Variants in PHLDB2 observed in about 807,000 individuals in gnomAD.
PHLDB2 encodes the protein pleckstrin homology-like domain family B member 2.
PHLDB2 carries 71 observed loss-of-function variants against 123.6 expected under a neutral mutation model. The observed-to-expected ratio is 0.57, with a 90% confidence interval of 0.47 to 0.70. The LOEUF is 0.70. PHLDB2 is among the 30% of genes least tolerant of loss of function. PHLDB2 has a pLI of 0.00. For missense variants in PHLDB2, 1,446 were observed against 1,519.5 expected, an observed-to-expected ratio of 0.95 and a Z score of 0.80; for synonymous variants, 547 against 541.6, an observed-to-expected ratio of 1.01 and a Z score of -0.14.
chr3:111,754,043 G>A (rs536802353), intron 1 of PHLDB2, among the ~76,000 whole-genome samples: 1 of 152,160 alleles, frequency 6.6e-6, no homozygotes, highest in East Asian at 1.9e-4. Flanking sequence ...TGCTGTTTTG[G>A]TTACTGTAGC....
chr3:111,865,563 G>A (rs1013792307), intron 1 of PHLDB2, among the ~76,000 whole-genome samples: 4 of 152,120 alleles, frequency 2.6e-5, no homozygotes, highest in African/African-American at 9.7e-5. Context: ...ACCATGTTGA[G>A]TATGGAGAAA....
At chr3:111,926,914 CTG>C (rs2068844161) in intron 5 of PHLDB2, among the ~76,000 whole-genome samples, 2 of 152,222 alleles carry the variant, frequency 1.3e-5, no homozygotes, top group Admixed American at 6.5e-5. Flanking sequence ...GCTATATAAT[CTG>C]TGTTACCTCT....
intron 1 of PHLDB2, among the ~76,000 whole-genome samples, chr3:111,811,024 G>C (rs1559843806): frequency 6.6e-6 from 1 of 152,104 alleles, no homozygotes; most frequent in Admixed American, 6.6e-5. Context: ...AACCCCCTCA[G>C]GGAAACATCT....
chr3:111,823,526 C>T (rs1387108608), intron 1 of PHLDB2, among the ~76,000 whole-genome samples: 2 of 152,142 alleles, frequency 1.3e-5, no homozygotes, highest in African/African-American at 2.4e-5. Context: ...GTCAGTGGGT[C>T]AACGGAGTGG....
chr3:111,966,524 T>TGGG (rs766446456), intron 13 of PHLDB2, 89 bp from the exon 14 acceptor site: 1 of 501,554 alleles, frequency 2.0e-6, no homozygotes, highest in Non-Finnish European at 3.3e-6. Context: ...TGTGTGTGTC[T>TGGG]GGGGTGTGTG....
chr3:111,924,408 C>T (rs887734575), intron 5 of PHLDB2, among the ~76,000 whole-genome samples: 6 of 152,240 alleles, frequency 3.9e-5, no homozygotes, highest in South Asian at 4.1e-4. Flanking sequence ...AGTGTGCTTA[C>T]GAATATTGTT....
intron 4 of PHLDB2, 75 bp from the exon 5 acceptor site, chr3:111,920,207 A>G (rs2068420648): frequency 2.7e-6 from 4 of 1,498,408 alleles, no homozygotes; most frequent in Admixed American, 2.2e-5. Context: ...AGCTGTTGCA[A>G]ATGTATCTCT....
Position 111,940,562 on chromosome 3 carries a change from G to A in PHLDB2, c.2314G>A (p.Ala772Thr). 6.2e-7 allele frequency: 1 copy of A among 1,600,302 alleles called. No homozygotes were observed. The highest frequency in any genetic ancestry group is 1.1e-5 in the South Asian group (1 of 87,628). The change falls in exon 8 of 18, where the codon GCC (alanine) becomes ACC (threonine). Residue 772 changes from alanine (A) to threonine (T), a missense_variant. Transcript: ENST00000431670. ...KEKISALKKQ[A>T]NHIVQQAQRE... ...AAAAATTTCTGCATTGAAAAAGCAA[G>A]CCAATCACATTGTTCAGCAGGCTCA...
chr3:111,891,746 T>A (rs2066512426), intron 2 of PHLDB2, among the ~76,000 whole-genome samples: 1 of 152,160 alleles, frequency 6.6e-6, no homozygotes, highest in Non-Finnish European at 1.5e-5. Context: ...CATTATAAAG[T>A]AGGGTATTCT....
chr3:111,784,147 T>G (rs2060591303), intron 1 of PHLDB2, among the ~76,000 whole-genome samples: 1 of 152,136 alleles, frequency 6.6e-6, no homozygotes, highest in Non-Finnish European at 1.5e-5. Flanking sequence ...AGAAATATTC[T>G]AACAGGCAAT....
intron 2 of PHLDB2, among the ~76,000 whole-genome samples, chr3:111,888,859 T>C: frequency 1.3e-5 from 2 of 152,356 alleles, no homozygotes; most frequent in South Asian, 4.1e-4. Flanking sequence ...GCAAGCATTA[T>C]AAACCAAGTT....
chr3:111,769,214 G>C (rs1279335153), intron 1 of PHLDB2, among the ~76,000 whole-genome samples: 2 of 152,134 alleles, frequency 1.3e-5, no homozygotes, highest in African/African-American at 4.8e-5. Context: ...GTTTGGATGA[G>C]GATTGGCCTA....
At chr3:111,955,673 G>A (rs939692614) in intron 12 of PHLDB2, among the ~76,000 whole-genome samples, 1 of 151,888 alleles carries the variant, frequency 6.6e-6, no homozygotes, top group Non-Finnish European at 1.5e-5. Context: ...GGATGGTCTC[G>A]ACCTCCTGGG....
chr3:111,822,887 G>A (rs1319922789), intron 1 of PHLDB2, among the ~76,000 whole-genome samples: 3 of 139,566 alleles, frequency 2.1e-5, no homozygotes, highest in Non-Finnish European at 4.5e-5. Flanking sequence ...TTTAGCCCTC[G>A]GAAAAAAAAA....
intron 2 of PHLDB2, among the ~76,000 whole-genome samples, chr3:111,894,813 T>C (rs1043065635): frequency 1.1e-3 from 166 of 152,302 alleles, no homozygotes; most frequent in African/African-American, 3.9e-3. Context: ...TATTAGCCCT[T>C]AAAGTAAGTA....
intron 2 of PHLDB2, among the ~76,000 whole-genome samples, chr3:111,889,922 CA>C (rs925742481): frequency 6.8e-4 from 103 of 152,198 alleles, no homozygotes; most frequent in African/African-American, 2.4e-3. Context: ...GGTAGAAAGA[CA>C]GATGAAAGGT....
intron 2 of PHLDB2, among the ~76,000 whole-genome samples, chr3:111,853,873 C>CA (rs35423122): frequency 1.3e-3 from 194 of 148,128 alleles, no homozygotes; most frequent in African/African-American, 2.4e-3. Context: ...ACTCCATCTC[C>CA]AAAAAAAAAA....
chr3:111,820,724 C>T (rs915410202), intron 1 of PHLDB2, among the ~76,000 whole-genome samples: 63 of 152,068 alleles, frequency 4.1e-4, no homozygotes, highest in African/African-American at 1.5e-3. Flanking sequence ...AGTTTGTGGT[C>T]AAGAAGGAGG....
intron 1 of PHLDB2, among the ~76,000 whole-genome samples, chr3:111,802,822 T>A (rs1373676057): frequency 6.6e-6 from 1 of 152,188 alleles, no homozygotes; most frequent in African/African-American, 2.4e-5. Context: ...ACCATGAGAA[T>A]CAATAAGGGT....
Sources: gnomAD v4.1 joint callset for allele counts (sites outside exome capture counted in the v4.1 genomes callset) on GRCh38, gnomAD v4.1.1 for gene constraint, MANE v1.5 for transcripts, NCBI Gene and HGNC (gene_info 2026-07-23, HGNC 2026-07-21) for gene names.